The following CAMSAP1 variants were observed in gnomAD, a reference collection of about 807,000 sequenced individuals.
The protein encoded by CAMSAP1 is calmodulin-regulated spectrin-associated protein 1.
In CAMSAP1, 58 loss-of-function variants were observed where a neutral mutation model predicts 143.5. That is an observed-to-expected ratio of 0.40 (90% CI 0.33 to 0.50). The LOEUF (loss-of-function observed/expected upper bound fraction) is 0.50, where lower values mean the gene tolerates loss of function less well. Ranked by LOEUF, CAMSAP1 falls within the 20% of genes least tolerant of loss-of-function variation. The pLI, the probability that CAMSAP1 is intolerant of heterozygous loss-of-function variation, is 0.45. For synonymous variants in CAMSAP1, 945 were observed against 859.3 expected (o/e 1.10, Z -1.74); for missense variants, 1,969 against 2,115.7 (o/e 0.93, Z 1.36).
chr9:135,904,609 T>G (rs979443810), intron 1 of CAMSAP1, among the ~76,000 whole-genome samples: 7 of 152,026 alleles, frequency 4.6e-5, no homozygotes, highest in Non-Finnish European at 2.9e-5. Context: ...ACTTTTTTTT[T>G]TGTAATTACA....
chr9:135,847,094 TC>T (rs1237987114), intron 7 of CAMSAP1, among the ~76,000 whole-genome samples: 1 of 151,944 alleles, frequency 6.6e-6, no homozygotes, highest in Admixed American at 6.6e-5. Flanking sequence ...ACAACTGTAA[TC>T]CCAGCACTTT....
chr9:135,884,391 C>A (rs1232897670), intron 1 of CAMSAP1, among the ~76,000 whole-genome samples: 1 of 152,154 alleles, frequency 6.6e-6, no homozygotes, highest in African/African-American at 2.4e-5. Flanking sequence ...TGGCTTCCTT[C>A]ACTATTTTCC....
chr9:135,849,642 G>T (rs1421375130), intron 7 of CAMSAP1, among the ~76,000 whole-genome samples: 1 of 152,102 alleles, frequency 6.6e-6, no homozygotes, highest in East Asian at 1.9e-4. Context: ...AATAGTTGGG[G>T]TTTTTTAAAA....
At chr9:135,847,064 T>C (rs112917947) in intron 7 of CAMSAP1, among the ~76,000 whole-genome samples, 21,289 of 152,042 alleles carry the variant, frequency 0.14, 1,674 homozygotes, top group Non-Finnish European at 0.17. Context: ...CATCCTACTA[T>C]AGGCCGGGCA....
Position 135,889,921 on chromosome 9 carries a change from C to T in CAMSAP1, c.161-6843G>A, listed in dbSNP as rs79831537. Among the ~76,000 whole-genome samples, 7 of 152,292 alleles carry T rather than the reference C, an allele frequency of 4.6e-5. No homozygotes were observed. In the East Asian group the frequency reaches 9.7e-4, roughly 21 times the overall value. On this transcript the variant is annotated intron_variant, in intron 1 of 16. Transcript: ENST00000389532. ...CCCGTAGCTCGCTCCCCTGAGCTCACGAAGAAATCTCGAGGCCCCCAAGGG... is the reference window on the plus strand; with the variant it reads ...CCCGTAGCTCGCTCCCCTGAGCTCATGAAGAAATCTCGAGGCCCCCAAGGG...
At chr9:135,887,330 C>A (rs1838154742) in intron 1 of CAMSAP1, among the ~76,000 whole-genome samples, 1 of 152,190 alleles carries the variant, frequency 6.6e-6, no homozygotes, top group African/African-American at 2.4e-5. Context: ...ATGAAGACCA[C>A]AGAGCCCGCC....
At chr9:135,855,781 G>T (rs986253713) in intron 5 of CAMSAP1, among the ~76,000 whole-genome samples, 4 of 149,468 alleles carry the variant, frequency 2.7e-5, no homozygotes, top group African/African-American at 9.9e-5. Flanking sequence ...GGCCGGGTGC[G>T]GTGGCTCACG....
At chr9:135,875,920 G>A (rs1321511182) in intron 3 of CAMSAP1, among the ~76,000 whole-genome samples, 2 of 152,144 alleles carry the variant, frequency 1.3e-5, no homozygotes, top group Non-Finnish European at 2.9e-5. Flanking sequence ...ACCATAAAAG[G>A]AAATACTGAT....
chr9:135,843,920 G>A (rs7031372), intron 7 of CAMSAP1, among the ~76,000 whole-genome samples: 51,483 of 147,492 alleles, frequency 0.35, 10,444 homozygotes, highest in African/African-American at 0.57. Context: ...TCCTAAATCT[G>A]TATGCCCCCA....
intron 1 of CAMSAP1, among the ~76,000 whole-genome samples, chr9:135,886,087 C>A (rs1225794222): frequency 6.6e-6 from 1 of 152,092 alleles, no homozygotes; most frequent in Admixed American, 6.5e-5. Context: ...CTTTGTGATG[C>A]CTTCAATGTA....
intron 1 of CAMSAP1, among the ~76,000 whole-genome samples, chr9:135,889,047 A>T (rs940625789): frequency 6.6e-6 from 1 of 152,190 alleles, no homozygotes; most frequent in Admixed American, 6.5e-5. Context: ...CCCAGAGAAG[A>T]GGGGGCTGGA....
At chr9:135,847,500 C>T (rs1836597580) in intron 7 of CAMSAP1, among the ~76,000 whole-genome samples, 1 of 151,906 alleles carries the variant, frequency 6.6e-6, no homozygotes. Flanking sequence ...GGCACATATA[C>T]ACCATGGAAT....
In CAMSAP1 at chr9:135,907,118, C is replaced by T. The variant is rs1838809153; in HGVS notation, c.42G>A (p.Arg14=). The part of the protein sequence containing the change: ...ASGRAAAEGW[R]KMEAPPDGAA... Reference sequence around the variant, plus strand: ...CGCCGTCCGGCGGGGCCTCCATCTTCCTCCAGCCCTCGGCGGCGGCGCGGC... The same window carrying T: ...CGCCGTCCGGCGGGGCCTCCATCTTTCTCCAGCCCTCGGCGGCGGCGCGGC... The change falls in exon 1 of 17, where the codon AGG becomes AGA. Residue 14 remains arginine, a synonymous_variant. Transcript: ENST00000389532. 1.8e-6 allele frequency: 2 copies of T among 1,125,122 alleles called. No homozygotes were observed. Among genetic ancestry groups the T allele is most frequent in the Admixed American group, 5.1e-5 (1 of 19,584 alleles). The allele number at this position is 1,125,122 out of a possible 1,614,324, so 69.7% of individuals were successfully genotyped here. A position where few individuals can be genotyped will look rare whatever the true frequency, so the allele number is the denominator to read the frequency against.
chr9:135,811,609 C>T lies in CAMSAP1; in HGVS notation c.4509G>A (p.Glu1503=). 2 of 1,582,398 alleles carry T rather than the reference C, an allele frequency of 1.3e-6. No individual in the cohort carries two copies. Among genetic ancestry groups the T allele is most frequent in the South Asian group, 2.3e-5 (2 of 86,588 alleles). The part of the protein sequence containing the change: ...NEPHKNSILE[E]LEKCDANHYI... ...AGTGATTGGCATCACACTTCTCCAG[C>T]TCCTGTGCAGAGAGAGAAAAGGGGA... The change falls in exon 17 of 17, where the codon GAG becomes GAA. Residue 1503 remains glutamate, a splice_region_variant and synonymous_variant. Coordinates refer to ENST00000389532, the MANE Select transcript of CAMSAP1 (RefSeq NM_015447.4). The surrounding 1 kb of genome is among the most constrained non-coding windows in gnomAD (Gnocchi z 4.9).
intron 1 of CAMSAP1, among the ~76,000 whole-genome samples, chr9:135,892,245 G>A (rs1387034506): frequency 2.0e-5 from 3 of 152,064 alleles, no homozygotes; most frequent in African/African-American, 4.8e-5. Flanking sequence ...CAAAGGTGAC[G>A]AAACAGGCCC....
At position 135,808,711 on chromosome 9, in the gene CAMSAP1, G is replaced by GGTGCACGCACACAGCCAT. The variant is rs527568942; in HGVS notation, c.*2580_*2597dup. 3.3e-4 allele frequency: 50 copies of GGTGCACGCACACAGCCAT among 152,332 alleles called. No individual in the cohort carries two copies. Among genetic ancestry groups the GGTGCACGCACACAGCCAT allele is most frequent in the African/African-American group, 1.1e-3 (46 of 41,570 alleles). The allele number at this position is 152,332 out of a possible 1,614,324, so 9.4% of individuals were successfully genotyped here. On this transcript the variant is annotated 3_prime_UTR_variant, in exon 17 of 17. Transcript: ENST00000389532. ...GACACATGGAAAGCAGTCCATCTTT[G>GGTGCACGCACACAGCCAT]GTGCACGCACACAGCCATGTGCACG... is the stretch of plus-strand genomic sequence containing the variant.
At chr9:135,834,598 T>G (rs573479925) in intron 7 of CAMSAP1, among the ~76,000 whole-genome samples, 1 of 152,160 alleles carries the variant, frequency 6.6e-6, no homozygotes, top group South Asian at 2.1e-4. Context: ...ATCTAAAAAG[T>G]AGAACTTAAG....
chr9:135,867,633 T>C (rs183023438), intron 3 of CAMSAP1, among the ~76,000 whole-genome samples: 28 of 152,278 alleles, frequency 1.8e-4, no homozygotes, highest in African/African-American at 6.3e-4. Flanking sequence ...TAAATTAATT[T>C]GAAATTTTTA....
At chr9:135,906,496 T>A (rs1838780607) in intron 1 of CAMSAP1, among the ~76,000 whole-genome samples, 1 of 152,220 alleles carries the variant, frequency 6.6e-6, no homozygotes, top group African/African-American at 2.4e-5. Flanking sequence ...AGGGGATCAT[T>A]ATGATTAAGC....
Sources: allele counts gnomAD v4.1 joint callset (sites outside exome capture counted in the v4.1 genomes callset), GRCh38; gene constraint gnomAD v4.1.1; non-coding constraint Gnocchi (gnomAD v3.1); transcripts MANE v1.5; gene names NCBI Gene and HGNC (gene_info 2026-07-23, HGNC 2026-07-21).